The following ACTN1 variants were observed in gnomAD, a reference collection of about 807,000 sequenced individuals.
ACTN1 encodes alpha-actinin-1.
ACTN1 carries 30 observed loss-of-function variants against 119.6 expected under a neutral mutation model. The observed-to-expected ratio is 0.25, with a 90% confidence interval of 0.19 to 0.34. ACTN1 has a LOEUF of 0.34. Among genes scored for constraint, ACTN1 ranks in the 10% least tolerant of loss-of-function variants. The pLI is 1.00. For synonymous variants in ACTN1, 429 were observed against 472.6 expected (o/e 0.91, Z 1.20); for missense variants, 764 against 1,223.4 (o/e 0.62, Z 5.60).
chr14:68,900,017 C>A (rs1332639847), intron 8 of ACTN1, among the ~76,000 whole-genome samples: 1 of 152,054 alleles, frequency 6.6e-6, no homozygotes, highest in African/African-American at 2.4e-5. Flanking sequence ...AGAGGAGGGG[C>A]TGAGAGGGGC....
intron 1 of ACTN1, chr14:68,936,543 T>A: frequency 2.3e-6 from 1 of 431,800 alleles, no homozygotes; most frequent in Non-Finnish European, 4.4e-6. Flanking sequence ...ACAGTCTGTC[T>A]AGGGGGTGGC....
intron 1 of ACTN1, among the ~76,000 whole-genome samples, chr14:68,952,990 C>CG (rs1404997378): frequency 2.6e-5 from 4 of 152,168 alleles, no homozygotes; most frequent in East Asian, 1.9e-4. Context: ...CTGAGAGGGT[C>CG]GGGGGGATGA....
At chr14:68,927,184 CCTCT>C (rs1319577296) in intron 1 of ACTN1, among the ~76,000 whole-genome samples, 1 of 152,130 alleles carries the variant, frequency 6.6e-6, no homozygotes, top group Admixed American at 6.5e-5. Context: ...TTTCCAATGT[CCTCT>C]CTATCTTGCT....
Position 68,892,080 on chromosome 14 carries a change from G to A in ACTN1, c.1059C>T (p.Phe353=), listed in dbSNP as rs2032534495. 2 of 1,613,946 alleles carry A rather than the reference G, an allele frequency of 1.2e-6. No homozygotes were observed. Among genetic ancestry groups the A allele is most frequent in the African/African-American group, 2.7e-5 (2 of 74,994 alleles). The part of the protein sequence containing the change: ...TKLRLSNRPA[F]MPSEGRMVSD... ...AGACCATCCTGCCCTCAGAGGGCAT[G>A]AAGGCAGGCCGGTTGCTGAGCCGCA... The change falls in exon 10 of 22, where the codon TTC becomes TTT. Residue 353 remains phenylalanine (F), a synonymous_variant. Coordinates refer to ENST00000394419, the MANE Select transcript of ACTN1 (RefSeq NM_001130004.2).
At chr14:68,937,235 A>C (rs1174589109) in intron 1 of ACTN1, among the ~76,000 whole-genome samples, 6 of 145,854 alleles carry the variant, frequency 4.1e-5, no homozygotes, top group Non-Finnish European at 6.0e-5. Context: ...AGTGGTTTTC[A>C]AAAAAAAAAG....
chr14:68,944,236 C>T (rs559537133), intron 1 of ACTN1, among the ~76,000 whole-genome samples: 2 of 152,278 alleles, frequency 1.3e-5, no homozygotes, highest in Non-Finnish European at 2.9e-5. Context: ...ACACAAAGGC[C>T]ATTGAGAAAG....
At chr14:68,953,150 G>A (rs1022788144) in intron 1 of ACTN1, among the ~76,000 whole-genome samples, 1 of 152,186 alleles carries the variant, frequency 6.6e-6, no homozygotes, top group Admixed American at 6.5e-5. Context: ...AAAACAGGGT[G>A]AATAACAGAC....
chr14:68,977,999 C>G (rs2037124825), intron 1 of ACTN1: 2 of 456,248 alleles, frequency 4.4e-6, no homozygotes, highest in South Asian at 3.1e-5. Flanking sequence ...CCCCCACCAC[C>G]ACGAGTGGTT....
At chr14:68,918,623 C>T (rs1010138436) in intron 3 of ACTN1, among the ~76,000 whole-genome samples, 3 of 151,468 alleles carry the variant, frequency 2.0e-5, no homozygotes, top group African/African-American at 7.3e-5. Context: ...AGGCCAGGCG[C>T]GGTGGCGCAC....
chr14:68,903,813 C>T (rs2033498002), intron 7 of ACTN1, among the ~76,000 whole-genome samples: 1 of 152,132 alleles, frequency 6.6e-6, no homozygotes. Flanking sequence ...CCCTTCCCCC[C>T]ACAGCCCCTG....
chr14:68,978,120 C>T, intron 1 of ACTN1: 1 of 455,554 alleles, frequency 2.2e-6, no homozygotes, highest in Admixed American at 2.4e-5. Flanking sequence ...TGGGATGCAG[C>T]TCCGTGGCTA....
At chr14:68,924,110 G>C (rs929163961) in intron 2 of ACTN1, among the ~76,000 whole-genome samples, 1 of 152,182 alleles carries the variant, frequency 6.6e-6, no homozygotes, top group African/African-American at 2.4e-5. Context: ...GCCAGGGGAG[G>C]GCCGGGGGGA....
chr14:68,909,872 A>C lies in ACTN1; in HGVS notation c.515+83T>G, dbSNP rs1213049341. The C allele has an allele frequency of 8.2e-7, 1 of 1,212,312 alleles. No homozygotes were observed. Among genetic ancestry groups the C allele is most frequent in the African/African-American group, 1.5e-5 (1 of 66,178 alleles). The allele number at this position is 1,212,312 out of a possible 1,614,324, so 75.1% of individuals were successfully genotyped here. Reference sequence around the variant, plus strand: ...AGGTCTCCACTTTGTTCTAAAGCTGAGACTGACCCAGCCAAGGGGGTCTGG... The same window carrying C: ...AGGTCTCCACTTTGTTCTAAAGCTGCGACTGACCCAGCCAAGGGGGTCTGG... On this transcript the variant is annotated intron_variant, in intron 5 of 21. Transcript: ENST00000394419. The surrounding 1 kb of genome is among the most constrained non-coding windows in gnomAD (Gnocchi z 4.1).
At chr14:68,911,667 A>T (rs928580091) in intron 4 of ACTN1, among the ~76,000 whole-genome samples, 1 of 152,268 alleles carries the variant, frequency 6.6e-6, no homozygotes, top group Non-Finnish European at 1.5e-5. Context: ...ATGCAAGATA[A>T]ATACAGGCAT....
chr14:68,941,697 A>C (rs940699985), intron 1 of ACTN1, among the ~76,000 whole-genome samples: 1 of 152,064 alleles, frequency 6.6e-6, no homozygotes, highest in Non-Finnish European at 1.5e-5. Flanking sequence ...GAAAGACAAG[A>C]GAAAGGGTGC....
chr14:68,922,903 C>A (rs918710828), intron 2 of ACTN1, among the ~76,000 whole-genome samples: 2 of 152,160 alleles, frequency 1.3e-5, no homozygotes, highest in Non-Finnish European at 2.9e-5. Flanking sequence ...GGCAGCATAC[C>A]CCTCCTTCTC....
At chr14:68,955,089 A>G (rs1347187135) in intron 1 of ACTN1, among the ~76,000 whole-genome samples, 6 of 152,014 alleles carry the variant, frequency 3.9e-5, no homozygotes, top group African/African-American at 1.4e-4. Context: ...GCCTCCCTCT[A>G]TTTCTGAGCT....
chr14:68,887,598 A>G (rs2032122567), intron 11 of ACTN1: 1 of 1,404,168 alleles, frequency 7.1e-7, no homozygotes, highest in Non-Finnish European at 9.5e-7. Flanking sequence ...ACAATCAGCA[A>G]ATGATTTCAC....
chr14:68,944,628 T>C (rs752317239), intron 1 of ACTN1, among the ~76,000 whole-genome samples: 8 of 152,022 alleles, frequency 5.3e-5, no homozygotes, highest in Non-Finnish European at 1.0e-4. Context: ...CTGGAAGGCA[T>C]AAGGCTAAAA....
Sources: allele counts gnomAD v4.1 joint callset (sites outside exome capture counted in the v4.1 genomes callset), GRCh38; gene constraint gnomAD v4.1.1; non-coding constraint Gnocchi (gnomAD v3.1); transcripts MANE v1.5; gene names NCBI Gene and HGNC (gene_info 2026-07-23, HGNC 2026-07-21).